The following THSD4 variants were observed in gnomAD, a reference collection of about 807,000 sequenced individuals.
THSD4 encodes thrombospondin type 1 domain containing 4, also known as thrombospondin type-1 domain-containing protein 4.
Under a neutral mutation model 119.0 loss-of-function variants are expected in THSD4, and 69 were observed. The observed-to-expected ratio is 0.58, with a 90% CI of 0.48 to 0.71. The LOEUF (loss-of-function observed/expected upper bound fraction) is 0.71. THSD4 is among the 30% of genes least tolerant of loss of function. The pLI, the probability that THSD4 is intolerant of heterozygous loss-of-function variation, is 0.00. For synonymous variants in THSD4, 524 were observed against 540.4 expected (o/e 0.97, Z 0.42); for missense variants, 1,393 against 1,391.1 (o/e 1.00, Z -0.02).
Position 71,781,128 on chromosome 15 carries a change from G to T in THSD4, c.*3754G>T. On this transcript the variant is annotated 3_prime_UTR_variant, in exon 18 of 18. Transcript: ENST00000261862. ...TTGCCATATAAAACATTTTAATATGGTTTACATGGGAAAATATCGATGGCT... is the reference window on the plus strand; with the variant it reads ...TTGCCATATAAAACATTTTAATATGTTTTACATGGGAAAATATCGATGGCT... 1 of 187,234 alleles carries T rather than the reference G, an allele frequency of 5.3e-6. No homozygotes were observed. The highest frequency in any genetic ancestry group is 1.1e-5 in the Non-Finnish European group (1 of 87,582). 11.6% of individuals were successfully genotyped at this position (187,234 alleles called of 1,614,324 possible). A position where few individuals can be genotyped will look rare whatever the true frequency, so the allele number is the denominator to read the frequency against.
chr15:71,383,978 A>T (rs956997278), intron 6 of THSD4, among the ~76,000 whole-genome samples: 1 of 152,116 alleles, frequency 6.6e-6, no homozygotes, highest in African/African-American at 2.4e-5. Flanking sequence ...GAATGACTGT[A>T]TTTGAGAGAC....
At chr15:71,409,955 T>C (rs571105706) in intron 6 of THSD4, among the ~76,000 whole-genome samples, 1 of 152,022 alleles carries the variant, frequency 6.6e-6, no homozygotes, top group African/African-American at 2.4e-5. Context: ...GATATAGAAA[T>C]ATATCTTGCC....
chr15:71,733,563 T>C (rs962104570), intron 10 of THSD4: 1 of 152,146 alleles, frequency 6.6e-6, no homozygotes, highest in African/African-American at 2.4e-5. Flanking sequence ...TTGTTGGTCA[T>C]ATTTGCATGT....
At chr15:71,424,017 G>T (rs940933216) in intron 7 of THSD4, among the ~76,000 whole-genome samples, 1 of 151,820 alleles carries the variant, frequency 6.6e-6, no homozygotes, top group Non-Finnish European at 1.5e-5. Context: ...AAAGCGCTCC[G>T]ACTCTCTGCA....
At chr15:71,219,267 G>A (rs2043957025) in intron 4 of THSD4, among the ~76,000 whole-genome samples, 1 of 152,158 alleles carries the variant, frequency 6.6e-6, no homozygotes, top group Non-Finnish European at 1.5e-5. Context: ...ATCTCTAGGG[G>A]CCACCCTCAG....
At chr15:71,292,140 T>C (rs1385892843) in intron 6 of THSD4, among the ~76,000 whole-genome samples, 1 of 152,256 alleles carries the variant, frequency 6.6e-6, no homozygotes, top group Non-Finnish European at 1.5e-5. Flanking sequence ...ATTCCACCAT[T>C]GTCTTCCAGC....
chr15:71,201,487 G>A (rs755674085), intron 3 of THSD4, among the ~76,000 whole-genome samples: 25 of 152,358 alleles, frequency 1.6e-4, no homozygotes, highest in East Asian at 5.8e-4. Context: ...TGCCTGTAAC[G>A]TGGCAGAATC....
At chr15:71,536,263 C>G (rs2048687636) in intron 7 of THSD4, among the ~76,000 whole-genome samples, 1 of 152,192 alleles carries the variant, frequency 6.6e-6, no homozygotes, top group Admixed American at 6.5e-5. Context: ...CTGGCTCTTT[C>G]CAGCTTCTGG....
chr15:71,343,037 T>C (rs1231857022), intron 6 of THSD4, among the ~76,000 whole-genome samples: 1 of 152,218 alleles, frequency 6.6e-6, no homozygotes, highest in African/African-American at 2.4e-5. Flanking sequence ...GCATGTATTA[T>C]CAGAGCTGGG....
chr15:71,661,399 TTA>T (rs1555437702), intron 8 of THSD4, among the ~76,000 whole-genome samples: 1 of 113,492 alleles, frequency 8.8e-6, no homozygotes, highest in African/African-American at 3.1e-5. Flanking sequence ...ATTTATTTAT[TTA>T]TTTTTTTTTT....
At chr15:71,454,201 G>A (rs1199742216) in intron 7 of THSD4, among the ~76,000 whole-genome samples, 3 of 152,212 alleles carry the variant, frequency 2.0e-5, no homozygotes, top group African/African-American at 7.2e-5. Context: ...AGGTTGCAGT[G>A]AGCAGAGATA....
At chr15:71,629,551 C>T (rs1436147683) in intron 7 of THSD4, among the ~76,000 whole-genome samples, 1 of 152,146 alleles carries the variant, frequency 6.6e-6, no homozygotes, top group African/African-American at 2.4e-5. Context: ...CAGTCACTCT[C>T]CATCACATTT....
chr15:71,386,874 A>C (rs1340297998), intron 6 of THSD4, among the ~76,000 whole-genome samples: 1 of 152,228 alleles, frequency 6.6e-6, no homozygotes, highest in Non-Finnish European at 1.5e-5. Flanking sequence ...TTTTAGAAGA[A>C]TTTGGCAAAA....
chr15:71,743,948 A>C (rs1204314906), intron 11 of THSD4, among the ~76,000 whole-genome samples: 2 of 152,242 alleles, frequency 1.3e-5, no homozygotes, highest in African/African-American at 4.8e-5. Context: ...ACAGAGTTGT[A>C]GAATAAAGTA....
At chr15:71,603,745 A>C (rs1375940364) in intron 7 of THSD4, among the ~76,000 whole-genome samples, 1 of 152,110 alleles carries the variant, frequency 6.6e-6, no homozygotes, top group East Asian at 1.9e-4. Flanking sequence ...CTCTGGTGGG[A>C]GAATTTGAAT....
At chr15:71,130,696 TA>T (rs2040495411) in intron 1 of THSD4, among the ~76,000 whole-genome samples, 1 of 152,202 alleles carries the variant, frequency 6.6e-6, no homozygotes, top group African/African-American at 2.4e-5. Context: ...AGTTAATGTT[TA>T]AAAAGCATTC....
intron 6 of THSD4, among the ~76,000 whole-genome samples, chr15:71,337,230 A>C (rs6494906): frequency 0.37 from 55,698 of 152,062 alleles, 10,249 homozygotes; most frequent in Middle Eastern, 0.43. Flanking sequence ...TAGTGGCTGC[A>C]GCAGCCAGGC....
At chr15:71,199,861 TGG>T (rs1399593303) in intron 3 of THSD4, among the ~76,000 whole-genome samples, 96 of 149,036 alleles carry the variant, frequency 6.4e-4, no homozygotes, top group Admixed American at 5.3e-3. Flanking sequence ...GATGCATGTG[TGG>T]GGTGTGTGTG....
At chr15:71,347,646 C>T (rs146879506) in intron 6 of THSD4, among the ~76,000 whole-genome samples, 10 of 152,306 alleles carry the variant, frequency 6.6e-5, no homozygotes, top group Non-Finnish European at 1.3e-4. Context: ...TATACCTGTG[C>T]AGTCCAATGT....
Sources: allele counts gnomAD v4.1 joint callset (sites outside exome capture counted in the v4.1 genomes callset), GRCh38; gene constraint gnomAD v4.1.1; transcripts MANE v1.5; gene names NCBI Gene and HGNC (gene_info 2026-07-23, HGNC 2026-07-21).